Variants in SGTB observed in about 807,000 individuals in gnomAD.
SGTB encodes the protein small glutamine rich tetratricopeptide repeat co-chaperone beta.
In SGTB, 19 loss-of-function variants were observed where a neutral mutation model predicts 43.9. The ratio of observed to expected loss-of-function variants is 0.43; its 90% CI spans 0.30 to 0.63. SGTB has a LOEUF of 0.63. Ranked by LOEUF, SGTB falls within the 30% of genes least tolerant of loss-of-function variation. The pLI is 0.12. For synonymous variants in SGTB, 116 were observed against 117.3 expected, an observed-to-expected ratio of 0.99 and a Z score of 0.07; for missense variants, 304 against 358.9, an observed-to-expected ratio of 0.85 and a Z score of 1.24.
chr5:65,707,940 G>A (rs935150112), intron 4 of SGTB, among the ~76,000 whole-genome samples: 1 of 152,076 alleles, frequency 6.6e-6, no homozygotes, highest in African/African-American at 2.4e-5. Flanking sequence ...CCTGGCTCCC[G>A]TCTATAGCTT....
intron 5 of SGTB, among the ~76,000 whole-genome samples, chr5:65,690,879 C>G (rs952333788): frequency 6.6e-6 from 1 of 152,160 alleles, no homozygotes; most frequent in Non-Finnish European, 1.5e-5. Flanking sequence ...AATTGTATAT[C>G]AAAAACAATT....
intron 3 of SGTB, among the ~76,000 whole-genome samples, chr5:65,709,238 C>G (rs1264182205): frequency 4.0e-5 from 6 of 151,652 alleles, no homozygotes; most frequent in Non-Finnish European, 8.8e-5. Context: ...TAAGATATAC[C>G]CTACTAAGTC....
At chr5:65,721,040 C>T (rs1161688390) in intron 1 of SGTB, among the ~76,000 whole-genome samples, 1 of 152,132 alleles carries the variant, frequency 6.6e-6, no homozygotes, top group Admixed American at 6.5e-5. Context: ...CATTAATACC[C>T]AGTGGTATAC....
chr5:65,672,450 A>G (rs1757177819), intron 8 of SGTB, among the ~76,000 whole-genome samples, 169 bp from the exon 9 acceptor site: 1 of 152,238 alleles, frequency 6.6e-6, no homozygotes, highest in African/African-American at 2.4e-5. Context: ...AGAAGGTACT[A>G]GAAAAAGTGG....
chr5:65,700,749 C>A (rs1447894185), intron 5 of SGTB, among the ~76,000 whole-genome samples: 1 of 149,720 alleles, frequency 6.7e-6, no homozygotes, highest in East Asian at 2.0e-4. Context: ...GTTGCTCAGA[C>A]CTCTAATCCC....
chr5:65,683,684 G>GGCTGGGCGCAGTGGCTAAT (rs75253919), intron 6 of SGTB, among the ~76,000 whole-genome samples: 2 of 151,784 alleles, frequency 1.3e-5, no homozygotes, highest in South Asian at 2.1e-4. Context: ...AGTTAATAGT[G>GGCTGGGCGCAGTGGCTAAT]GCCTGTAATC....
chr5:65,676,223 A>C (rs751256891), intron 8 of SGTB, among the ~76,000 whole-genome samples: 3 of 152,160 alleles, frequency 2.0e-5, no homozygotes, highest in African/African-American at 4.8e-5. Flanking sequence ...AAACCAAAGA[A>C]GATCAAAAAA....
At chr5:65,722,241 C>CT (rs2150728285), upstream of SGTB, 1 of 528,098 alleles carries the variant, frequency 1.9e-6, no homozygotes, top group East Asian at 3.8e-5. Flanking sequence ...TGGGAGGGCG[C>CT]TGGCCAGGCA....
chr5:65,697,600 C>T (rs1171126322), intron 5 of SGTB, among the ~76,000 whole-genome samples: 2 of 152,130 alleles, frequency 1.3e-5, no homozygotes, highest in South Asian at 2.1e-4. Flanking sequence ...ACCATCAAAC[C>T]ACAGCTAAGA....
At chr5:65,705,268 C>CA (rs35481873) in intron 4 of SGTB, among the ~76,000 whole-genome samples, 1 of 67,126 alleles carries the variant, frequency 1.5e-5, no homozygotes, top group Non-Finnish European at 3.9e-5. Context: ...TATAGTGGGA[C>CA]CCCCCCTCAT....
chr5:65,673,748 C>T (rs912493822), intron 8 of SGTB, among the ~76,000 whole-genome samples: 9 of 151,880 alleles, frequency 5.9e-5, no homozygotes, highest in Admixed American at 1.3e-4. Context: ...CTCTGCCTCC[C>T]GGAGTCAAGT....
At chr5:65,702,226 G>C (rs1757839126) in intron 5 of SGTB, among the ~76,000 whole-genome samples, 1 of 151,896 alleles carries the variant, frequency 6.6e-6, no homozygotes, top group African/African-American at 2.4e-5. Context: ...TAAGACTGAA[G>C]GACAAAGTAC....
chr5:65,718,410 C>T (rs574728541), intron 2 of SGTB, among the ~76,000 whole-genome samples: 1 of 152,280 alleles, frequency 6.6e-6, no homozygotes, highest in Admixed American at 6.5e-5. Flanking sequence ...AGGTCAATAA[C>T]TGAGAGCCAG....
intron 5 of SGTB, among the ~76,000 whole-genome samples, 158 bp from the exon 6 acceptor site, chr5:65,685,630 GA>G (rs933232042): frequency 1.4e-4 from 20 of 146,486 alleles, no homozygotes; most frequent in African/African-American, 2.5e-4. Context: ...GTAATAAAAT[GA>G]AAAAAAAAAG....
At chr5:65,681,670 C>A (rs1195343557) in intron 6 of SGTB, among the ~76,000 whole-genome samples, 1 of 152,020 alleles carries the variant, frequency 6.6e-6, no homozygotes, top group African/African-American at 2.4e-5. Context: ...AAAATAATAT[C>A]TAAAGATACT....
chr5:65,681,031 A>G (rs906867119), intron 6 of SGTB, among the ~76,000 whole-genome samples: 2 of 152,116 alleles, frequency 1.3e-5, no homozygotes, highest in Admixed American at 6.6e-5. Flanking sequence ...CATGAATTTA[A>G]TGCTTAGAGA....
chr5:65,675,333 A>G (rs989361601), intron 8 of SGTB, among the ~76,000 whole-genome samples: 1 of 152,226 alleles, frequency 6.6e-6, no homozygotes, highest in African/African-American at 2.4e-5. Flanking sequence ...CACAATGGCC[A>G]AATACTCAAA....
chr5:65,690,211 A>G (rs774521659), intron 5 of SGTB, among the ~76,000 whole-genome samples: 2 of 152,188 alleles, frequency 1.3e-5, no homozygotes, highest in Non-Finnish European at 2.9e-5. Context: ...GTCAAGGCCA[A>G]GAGGATCACT....
intron 5 of SGTB, among the ~76,000 whole-genome samples, chr5:65,689,543 T>C (rs1757565951): frequency 6.6e-6 from 1 of 152,150 alleles, no homozygotes; most frequent in Admixed American, 6.5e-5. Context: ...TAATAACAAC[T>C]GAAGGATACT....
Sources: gnomAD v4.1 joint callset for allele counts (sites outside exome capture counted in the v4.1 genomes callset) on GRCh38, gnomAD v4.1.1 for gene constraint, MANE v1.5 for transcripts, NCBI Gene and HGNC (gene_info 2026-07-23, HGNC 2026-07-21) for gene names.